UNC13B: variants seen among roughly 807,000 people sequenced by gnomAD.
UNC13B encodes unc-13 homolog B.
In UNC13B, 144 loss-of-function variants were observed where a neutral mutation model predicts 211.0. The observed-to-expected ratio is 0.68, with a 90% CI of 0.60 to 0.78. The LOEUF is 0.78. Among genes scored for constraint, UNC13B ranks in the 30% least tolerant of loss-of-function variants. UNC13B has a pLI of 0.00. For synonymous variants in UNC13B, 709 were observed against 725.8 expected (o/e 0.98, Z 0.37); for missense variants, 1,777 against 2,002.0 (o/e 0.89, Z 2.14).
intron 7 of UNC13B, among the ~76,000 whole-genome samples, chr9:35,265,747 A>G (rs895955270): frequency 1.3e-5 from 2 of 152,164 alleles, no homozygotes; most frequent in African/African-American, 4.8e-5. Context: ...GACTAGTCCA[A>G]GCAACATAGT....
chr9:35,281,043 A>G (rs1374153734), intron 7 of UNC13B, among the ~76,000 whole-genome samples: 1 of 152,010 alleles, frequency 6.6e-6, no homozygotes, highest in Non-Finnish European at 1.5e-5. Context: ...AGGTCAGGAG[A>G]TCGAGACCAT....
intron 7 of UNC13B, among the ~76,000 whole-genome samples, chr9:35,269,531 C>T (rs1046948057): frequency 6.6e-6 from 1 of 152,186 alleles, no homozygotes; most frequent in Non-Finnish European, 1.5e-5. Context: ...TTAATTGGCT[C>T]AACCTTCAGC....
chr9:35,313,937 C>A lies in UNC13B; in HGVS notation c.9362C>A (p.Ala3121Asp), dbSNP rs766375749. 1 of 1,613,958 alleles carries A rather than the reference C, an allele frequency of 6.2e-7. No homozygotes were observed. Among genetic ancestry groups the A allele is most frequent in the Admixed American group, 1.7e-5 (1 of 60,004 alleles). The change falls in exon 11 of 40, where the codon GCC becomes GAC. Residue 3121 changes from alanine (A) to aspartate (D), a missense_variant. Ala to Asp is a moderately radical substitution (Grantham distance 126). Coordinates refer to ENST00000635942, the MANE Select transcript of UNC13B (RefSeq NM_001371189.2). The part of the protein sequence containing the change: ...EENASSPFTQ[A>D]RAHWIRAVTK... ...AATGCATCTTCACCATTTACCCAAG[C>A]CAGAGCACATTGGATCCGAGCAGTT...
At chr9:35,179,597 C>T (rs1316396454) in intron 1 of UNC13B, among the ~76,000 whole-genome samples, 1 of 152,050 alleles carries the variant, frequency 6.6e-6, no homozygotes, top group African/African-American at 2.4e-5. Context: ...TTGAGACCAG[C>T]CTGGGCAACG....
At chr9:35,400,546 C>A in intron 37 of UNC13B, 103 bp downstream of exon 37, 1 of 1,354,434 alleles carries the variant, frequency 7.4e-7, no homozygotes, top group Non-Finnish European at 9.9e-7. Context: ...CCAGTTACTT[C>A]TTCAGAGAGC....
At chr9:35,207,926 T>A (rs540905319) in intron 1 of UNC13B, among the ~76,000 whole-genome samples, 43 of 152,232 alleles carry the variant, frequency 2.8e-4, no homozygotes, top group Non-Finnish European at 5.6e-4. Flanking sequence ...AAGAAACCAT[T>A]GCAAGAGTTT....
At chr9:35,366,277 G>T (rs1309123730) in intron 11 of UNC13B, among the ~76,000 whole-genome samples, 1 of 152,186 alleles carries the variant, frequency 6.6e-6, no homozygotes, top group Non-Finnish European at 1.5e-5. Flanking sequence ...TTTAAAAGGT[G>T]ATTTTTGAAC....
intron 1 of UNC13B, among the ~76,000 whole-genome samples, chr9:35,223,716 A>G (rs1824686258): frequency 2.0e-5 from 3 of 151,940 alleles, no homozygotes; most frequent in Non-Finnish European, 4.4e-5. Context: ...ATTTCTATGC[A>G]TTTGAAGTCT....
chr9:35,377,477 A>T lies in UNC13B; in HGVS notation c.9845A>T (p.Glu3282Val). 6.2e-7 allele frequency: 1 copy of T among 1,614,228 alleles called. No homozygotes were observed. The highest frequency in any genetic ancestry group is 8.5e-7 in the Non-Finnish European group (1 of 1,180,030). The stretch of plus-strand genomic sequence containing the variant: ...TCCTGGCCACCTTCAGGGGCTGCAG[A>T]AAAGAGCTGTAAACATGGAGCTGAG... ...LNADCLQRAA[E>V]KSCKHGAEDR... is the part of the protein sequence containing the mutation. The change falls in exon 16 of 40, where the codon GAA (glutamate) becomes GTA (valine). Residue 3282 changes from glutamate (E) to valine (V), a missense_variant. Transcript: ENST00000635942.
rs982200390 is a variant in UNC13B at position 35,255,103 on chromosome 9, A to T, written c.469-3890A>T. 1.0e-4 allele frequency among the ~76,000 whole-genome samples: 13 copies of T among 130,324 alleles called. No homozygotes were observed. The East Asian group carries it at 1.0e-3, about 10-fold the overall frequency. 85.5% of individuals were successfully genotyped at this position (130,324 alleles called of 152,430 possible). ...TATATATTATATATATATTATATAT[A>T]TTTTTTCTTAGACAGATTCTTACTC... On this transcript the variant is annotated intron_variant, in intron 6 of 39. Coordinates refer to ENST00000635942, the MANE Select transcript of UNC13B (RefSeq NM_001371189.2).
intron 1 of UNC13B, among the ~76,000 whole-genome samples, chr9:35,206,207 TA>T (rs547810298): frequency 5.0e-4 from 76 of 151,964 alleles, no homozygotes; most frequent in Non-Finnish European, 9.3e-4. Flanking sequence ...AAATAAAAAT[TA>T]AAAAAAATTA....
At chr9:35,280,557 G>A (rs776027812) in intron 7 of UNC13B, among the ~76,000 whole-genome samples, 13 of 152,228 alleles carry the variant, frequency 8.5e-5, no homozygotes, top group South Asian at 2.1e-4. Context: ...TAGTGGTAAG[G>A]CAGTGCAATG....
chr9:35,255,929 T>C (rs952662931), intron 6 of UNC13B, among the ~76,000 whole-genome samples: 2 of 152,190 alleles, frequency 1.3e-5, no homozygotes, highest in Non-Finnish European at 2.9e-5. Flanking sequence ...GTCAAAACCA[T>C]GAACTGAATT....
At chr9:35,338,936 T>G (rs976795072) in intron 11 of UNC13B, among the ~76,000 whole-genome samples, 5 of 152,178 alleles carry the variant, frequency 3.3e-5, no homozygotes, top group Admixed American at 2.0e-4. Context: ...CCTCCTCCAG[T>G]ATTTCTGTGA....
At chr9:35,350,344 C>A (rs566110041) in intron 11 of UNC13B, among the ~76,000 whole-genome samples, 9 of 152,262 alleles carry the variant, frequency 5.9e-5, no homozygotes, top group South Asian at 2.1e-4. Flanking sequence ...AACCCTCCCC[C>A]ACATGTCCCA....
At chr9:35,385,934 T>C (rs946620236) in intron 23 of UNC13B, 121 bp downstream of exon 23, 42 of 1,423,978 alleles carry the variant, frequency 2.9e-5, no homozygotes, top group Non-Finnish European at 3.8e-5. Flanking sequence ...AAGCTTACAT[T>C]TCTGTGTACC....
At position 35,186,679 on chromosome 9, in the gene UNC13B, G is replaced by C. The variant is rs189677810; in HGVS notation, c.22+24374G>C. On this transcript the variant is annotated intron_variant, in intron 1 of 39. Transcript: ENST00000635942. Reference sequence around the variant, plus strand: ...ATTTTATAGTCAGTCTTGAGAAGGCGGTGTCTGATTTACATAGGGCTCACA... The same window carrying C: ...ATTTTATAGTCAGTCTTGAGAAGGCCGTGTCTGATTTACATAGGGCTCACA... 2.9e-3 allele frequency among the ~76,000 whole-genome samples: 436 copies of C among 152,076 alleles called. 2 individuals carry two copies. Among genetic ancestry groups the C allele is most frequent in the Non-Finnish European group, 4.9e-3 (333 of 67,998 alleles).
At chr9:35,200,659 T>A (rs1823229461) in intron 1 of UNC13B, among the ~76,000 whole-genome samples, 2 of 152,206 alleles carry the variant, frequency 1.3e-5, no homozygotes. Flanking sequence ...TGTATAGGAA[T>A]GCTTGTGATT....
intron 24 of UNC13B, 129 bp from the exon 25 acceptor site, chr9:35,389,717 G>C: frequency 1.1e-6 from 1 of 943,130 alleles, no homozygotes; most frequent in East Asian, 2.5e-5. Flanking sequence ...CAGGCTCTAG[G>C]AGAGGAAAGG....
Sources: allele counts gnomAD v4.1 joint callset (sites outside exome capture counted in the v4.1 genomes callset), GRCh38; gene constraint gnomAD v4.1.1; transcripts MANE v1.5; gene names NCBI Gene and HGNC (gene_info 2026-07-23, HGNC 2026-07-21).